The following SIAE variants were observed in gnomAD, a reference collection of about 807,000 sequenced individuals.
SIAE encodes sialic acid acetylesterase.
A neutral mutation model predicts 52.6 loss-of-function variants in SIAE; 39 were observed. The ratio of observed to expected loss-of-function variants is 0.74; its 90% CI spans 0.57 to 0.97. The LOEUF (loss-of-function observed/expected upper bound fraction) is 0.97. Ranked by LOEUF, SIAE falls within the 50% of genes least tolerant of loss-of-function variation. The pLI is 0.00. For missense variants in SIAE, 592 were observed against 662.1 expected, an observed-to-expected ratio of 0.89 and a Z score of 1.16; for synonymous variants, 233 against 241.4, an observed-to-expected ratio of 0.97 and a Z score of 0.32.
chr11:124,636,799 C>A lies in SIAE; in HGVS notation c.*152G>T. ...AAGTTACCTATAAGCCTGGGCTCAT[C>A]AGAATATAGAAACAGCCATGTGCTA... On this transcript the variant is annotated 3_prime_UTR_variant, in exon 10 of 10. Coordinates refer to ENST00000263593, the MANE Select transcript of SIAE (RefSeq NM_170601.5). The A allele has an allele frequency of 8.9e-7, 1 of 1,121,670 alleles. No individual in the cohort carries two copies. The highest frequency in any genetic ancestry group is 1.3e-6 in the Non-Finnish European group (1 of 756,644). 69.5% of individuals were successfully genotyped at this position (1,121,670 alleles called of 1,614,324 possible). A position where few individuals can be genotyped will look rare whatever the true frequency, so the allele number is the denominator to read the frequency against.
chr11:124,648,250 A>G, intron 5 of SIAE, 75 bp from the exon 6 acceptor site: 4 of 1,052,688 alleles, frequency 3.8e-6, no homozygotes, highest in Non-Finnish European at 4.4e-6. Flanking sequence ...TTGGTCATCT[A>G]TCCACTTTCA....
intron 1 of SIAE, among the ~76,000 whole-genome samples, chr11:124,671,323 T>A (rs1943351422): frequency 6.6e-6 from 1 of 152,212 alleles, no homozygotes; most frequent in Non-Finnish European, 1.5e-5. Flanking sequence ...AACAAATATT[T>A]ATTGATGCCT....
At chr11:124,662,517 T>C (rs905123566) in intron 2 of SIAE, among the ~76,000 whole-genome samples, 3 of 152,200 alleles carry the variant, frequency 2.0e-5, no homozygotes, top group Admixed American at 1.3e-4. Flanking sequence ...TAACTGGGTA[T>C]TTACACTTAG....
intron 7 of SIAE, among the ~76,000 whole-genome samples, chr11:124,640,447 G>A (rs1565408089): frequency 6.6e-6 from 1 of 152,152 alleles, no homozygotes; most frequent in Non-Finnish European, 1.5e-5. Context: ...GCCATCCCAG[G>A]TGAGCCCTAC....
chr11:124,646,100 C>T (rs1022342637), intron 7 of SIAE, among the ~76,000 whole-genome samples: 2 of 152,160 alleles, frequency 1.3e-5, no homozygotes, highest in Non-Finnish European at 2.9e-5. Context: ...TCTAGAAAAA[C>T]CAGCACTACC....
intron 2 of SIAE, among the ~76,000 whole-genome samples, chr11:124,667,923 C>A (rs1216383471): frequency 6.6e-6 from 1 of 152,198 alleles, no homozygotes; most frequent in Non-Finnish European, 1.5e-5. Context: ...AAACCCTCAT[C>A]ATCTCTTGCT....
chr11:124,675,594 T>C, upstream of SIAE: 1 of 597,986 alleles, frequency 1.7e-6, no homozygotes, highest in South Asian at 2.4e-5. Flanking sequence ...TCTCTTAAAT[T>C]CGTTTCATAT....
At chr11:124,673,856 G>A, upstream of SIAE, 1 of 752,596 alleles carries the variant, frequency 1.3e-6, no homozygotes, top group Non-Finnish European at 2.0e-6. Context: ...GCCCCTTCTC[G>A]GCCGCCGTAG....
At position 124,634,799 on chromosome 11, in the gene SIAE, T is replaced by G. The variant is rs1942688089; in HGVS notation, c.*2152A>C. On this transcript the variant is annotated 3_prime_UTR_variant, in exon 10 of 10. Coordinates refer to ENST00000263593, the MANE Select transcript of SIAE (RefSeq NM_170601.5). ...CAAAAACACAGATTACAAAATAATA[T>G]GTACTGTATAAAATTATATAACTCA... 1.3e-5 allele frequency: 2 copies of G among 152,194 alleles called. No homozygotes were observed. Among genetic ancestry groups the G allele is most frequent in the Admixed American group, 6.5e-5 (1 of 15,274 alleles). The allele number at this position is 152,194 out of a possible 1,614,324, so 9.4% of individuals were successfully genotyped here.
intron 7 of SIAE, among the ~76,000 whole-genome samples, chr11:124,647,029 G>C (rs1439332718): frequency 6.6e-6 from 1 of 152,120 alleles, no homozygotes; most frequent in Non-Finnish European, 1.5e-5. Flanking sequence ...GCAGAAGACA[G>C]CTGCTTATTT....
chr11:124,654,228 T>G, intron 4 of SIAE: 1 of 985,178 alleles, frequency 1.0e-6, no homozygotes, highest in South Asian at 4.7e-5. Context: ...CTGAATGGAC[T>G]GAGGGGAAAA....
In SIAE at chr11:124,669,497, T is replaced by C. The variant is rs148015060; in HGVS notation, c.92A>G (p.Tyr31Cys). 22 of 1,614,020 alleles carry C rather than the reference T, an allele frequency of 1.4e-5. No individual in the cohort carries two copies. In the African/African-American group the frequency reaches 2.9e-4, roughly 22 times the overall value. ...CTGCAGCACCATATCATTATTGATG[T>C]ATGAAGCAAAGCGAAAACCAATACC... Reference protein sequence around the residue: ...SAGIGFRFASYINNDMVLQKE... With the variant: ...SAGIGFRFASCINNDMVLQKE... Residue 31 changes from tyrosine to cysteine, a missense_variant, in exon 2 of 10, where the codon TAC becomes TGC. Coordinates refer to ENST00000263593, the MANE Select transcript of SIAE (RefSeq NM_170601.5).
intron 2 of SIAE, among the ~76,000 whole-genome samples, chr11:124,666,356 T>C (rs908010858): frequency 5.9e-5 from 9 of 152,194 alleles, no homozygotes; most frequent in African/African-American, 1.7e-4. Context: ...GTGGTATCTC[T>C]TTTGAGAGAC....
At position 124,669,447 on chromosome 11, in the gene SIAE, A is replaced by C. The variant is rs772484313; in HGVS notation, c.142T>G (p.Trp48Gly). ...GTGGCTCCAGGTGTACCGAAGCCCC[A>C]TATCACTGCCCCAGCAGGCTCCTTC... ...LQKEPAGAVI[W>G]GFGTPGATVT... Residue 48 changes from tryptophan (W) to glycine (G), a missense_variant, in exon 2 of 10, where the codon TGG becomes GGG. By Grantham distance (184) the Trp-to-Gly change is radical. Transcript: ENST00000263593. The C allele has an allele frequency of 6.2e-7, 1 of 1,614,072 alleles. No individual in the cohort carries two copies. Among genetic ancestry groups the C allele is most frequent in the Non-Finnish European group, 8.5e-7 (1 of 1,180,032 alleles).
chr11:124,661,726 C>A (rs1348568122), intron 2 of SIAE, among the ~76,000 whole-genome samples: 1 of 152,162 alleles, frequency 6.6e-6, no homozygotes, highest in African/African-American at 2.4e-5. Flanking sequence ...GGGAAATTAA[C>A]ATTTTAAAAT....
At chr11:124,675,485 C>G, upstream of SIAE, 1 of 1,548,120 alleles carries the variant, frequency 6.5e-7, no homozygotes, top group Non-Finnish European at 8.7e-7. Flanking sequence ...GTAAAACTTG[C>G]TTAAGACCAT....
chr11:124,669,626 T>G, intron 1 of SIAE, 105 bp from the exon 2 acceptor site: 2 of 1,054,474 alleles, frequency 1.9e-6, no homozygotes, highest in African/African-American at 1.6e-5. Context: ...CAAGAGAATT[T>G]TAACATACTA....
chr11:124,635,872 C>CCAT lies in SIAE; in HGVS notation c.*1076_*1078dup, dbSNP rs1942723383. 6.6e-6 allele frequency: 1 copy of CCAT among 152,174 alleles called. No individual in the cohort carries two copies. The highest frequency in any genetic ancestry group is 2.1e-4 in the South Asian group (1 of 4,826). The allele number at this position is 152,174 out of a possible 1,614,324, so 9.4% of individuals were successfully genotyped here. On this transcript the variant is annotated 3_prime_UTR_variant, in exon 10 of 10. Transcript: ENST00000263593. Reference sequence around the variant, plus strand: ...TCAGACAATGTTAGCTGTTTTTAATCCATCAGTAAACTGCATTAAGATTCT... The same window carrying CCAT: ...TCAGACAATGTTAGCTGTTTTTAATCCATCATCAGTAAACTGCATTAAGATTCT...
intron 3 of SIAE, among the ~76,000 whole-genome samples, chr11:124,655,144 A>G (rs994283101): frequency 9.9e-5 from 15 of 151,790 alleles, no homozygotes; most frequent in South Asian, 6.2e-4. Context: ...AAAGTATCTC[A>G]TAACACAAAA....
Sources: allele counts gnomAD v4.1 joint callset (sites outside exome capture counted in the v4.1 genomes callset), GRCh38; gene constraint gnomAD v4.1.1; transcripts MANE v1.5; gene names NCBI Gene and HGNC (gene_info 2026-07-23, HGNC 2026-07-21).